Variants in SPHK2 observed in about 807,000 individuals in gnomAD.
The protein encoded by SPHK2 is sphingosine kinase 2.
In SPHK2, 18 loss-of-function variants were observed where a neutral mutation model predicts 32.3. The ratio of observed to expected loss-of-function variants is 0.56; its 90% CI spans 0.39 to 0.83. The LOEUF (loss-of-function observed/expected upper bound fraction) is 0.83, where lower values mean the gene tolerates loss of function less well. Among genes scored for constraint, SPHK2 ranks in the 40% least tolerant of loss-of-function variants. SPHK2 has a pLI of 0.00. For synonymous variants in SPHK2, 462 were observed against 417.6 expected (o/e 1.11, Z -1.30); for missense variants, 850 against 908.7 (o/e 0.94, Z 0.83).
rs1464485375 is a variant in SPHK2, at chr19:48,628,032, G to A, written c.719G>A (p.Gly240Asp). The A allele has an allele frequency of 1.9e-6, 3 of 1,595,650 alleles. No individual in the cohort carries two copies. The highest frequency in any genetic ancestry group is 2.7e-5 in the African/African-American group (2 of 74,454). Residue 240 changes from glycine to aspartate, a missense_variant, in exon 5 of 7, where the codon GGC (glycine) becomes GAC (aspartate). Around this residue, in one of 2 missense-constraint regions of SPHK2, gnomAD observed 544 missense variants for 640.0 expected, o/e 0.85. Coordinates refer to ENST00000245222, the MANE Select transcript of SPHK2 (RefSeq NM_020126.5). The surrounding 1 kb of genome is among the most constrained non-coding windows in gnomAD (Gnocchi z 5.2). ...VQGLSLSEWDGIVTVSGDGLL... is the reference protein window; with the variant it reads ...VQGLSLSEWDDIVTVSGDGLL... Reference sequence around the variant, plus strand: ...GGGCTGAGCCTGAGTGAGTGGGATGGCATCGTCACGGTCTCGGGAGACGGG... The same window carrying A: ...GGGCTGAGCCTGAGTGAGTGGGATGACATCGTCACGGTCTCGGGAGACGGG...
At chr19:48,625,866 C>T (rs1436561827) in intron 2 of SPHK2, 25 bp from the exon 3 acceptor site, 4 of 1,606,700 alleles carry the variant, frequency 2.5e-6, no homozygotes, top group Non-Finnish European at 3.4e-6. Flanking sequence ...TGAATTCTCA[C>T]CCCTTCTCTC....
Position 48,630,088 on chromosome 19 carries a change from T to C in SPHK2, c.*315T>C. 7.8e-7 allele frequency: 1 copy of C among 1,278,118 alleles called. No individual in the cohort carries two copies. The highest frequency in any genetic ancestry group is 9.9e-7 in the Non-Finnish European group (1 of 1,012,188). 79.2% of individuals were successfully genotyped at this position (1,278,118 alleles called of 1,614,324 possible). A position where few individuals can be genotyped will look rare whatever the true frequency, so the allele number is the denominator to read the frequency against. ...CCTGCTCCTACCCGGCCAGGATGGC[T>C]GAGGGCGGAGTCTATTTTACGCGTC... On this transcript the variant is annotated 3_prime_UTR_variant, in exon 7 of 7. Transcript: ENST00000245222. This position sits in a 1 kb window ranked among gnomAD's most constrained non-coding sequence, Gnocchi z 4.9.
intron 3 of SPHK2, chr19:48,626,815 C>CAAAAAA (rs61644225): frequency 4.3e-5 from 1 of 23,250 alleles, no homozygotes; most frequent in African/African-American, 2.8e-4. Context: ...ACTCTGTCTC[C>CAAAAAA]AAAAAAAAAA....
Position 48,629,637 on chromosome 19 carries a change from T to A in SPHK2, c.1829T>A (p.Leu610Gln). ...LGYAAARAFR[L>Q]EPLTPRGVLT... ...TACGCCGCGGCCCGTGCCTTCCGCC[T>A]AGAGCCGCTCACACCACGCGGCGTG... The change falls in exon 7 of 7, where the codon CTA becomes CAA. Residue 610 changes from leucine to glutamine, a missense_variant. Leu to Gln is a moderately radical substitution (Grantham distance 113). This residue lies in a region of SPHK2 where 306 missense variants were observed against 268.6 expected (regional missense o/e 1.14). Coordinates refer to ENST00000245222, the MANE Select transcript of SPHK2 (RefSeq NM_020126.5). 6.2e-7 allele frequency: 1 copy of A among 1,601,990 alleles called. No homozygotes were observed. The highest frequency in any genetic ancestry group is 8.5e-7 in the Non-Finnish European group (1 of 1,175,154).
At chr19:48,627,572 G>A (rs553885601) in intron 3 of SPHK2, 120 bp from the exon 4 acceptor site, 2 of 1,238,986 alleles carry the variant, frequency 1.6e-6, no homozygotes. Flanking sequence ...GGCCACATGA[G>A]AGCCAGCAGG....
chr19:48,620,218 A>G (rs1341258816), intron 1 of SPHK2, among the ~76,000 whole-genome samples, 184 bp from the exon 2 acceptor site: 1 of 152,226 alleles, frequency 6.6e-6, no homozygotes, highest in African/African-American at 2.4e-5. Flanking sequence ...CTTCACTCCT[A>G]TTATAGCATA....
At chr19:48,625,820 C>T in intron 2 of SPHK2, 71 bp from the exon 3 acceptor site, 8 of 1,557,060 alleles carry the variant, frequency 5.1e-6, no homozygotes, top group Non-Finnish European at 6.9e-6. Context: ...CTCCTGTCCA[C>T]AGCCCCTGCC....
At chr19:48,621,879 C>A (rs1974418652) in intron 2 of SPHK2, among the ~76,000 whole-genome samples, 1 of 152,150 alleles carries the variant, frequency 6.6e-6, no homozygotes, top group African/African-American at 2.4e-5. Flanking sequence ...GTTAGAGAAA[C>A]AGGGTCTTCA....
Position 48,628,705 on chromosome 19 carries a change from C to T in SPHK2, c.897C>T (p.Asp299=), listed in dbSNP as rs1436535334. 1.2e-6 allele frequency: 2 copies of T among 1,612,426 alleles called. No homozygotes were observed. Among genetic ancestry groups the T allele is most frequent in the Admixed American group, 1.7e-5 (1 of 60,032 alleles). ...GATTTGAGCCAGCCCTGGGCCTCGA[C>T]CTGTTGCTCAACTGCTCACTGTTGC... The part of the protein sequence containing the change: ...HGGFEPALGL[D]LLLNCSLLLC... Residue 299 remains aspartate (D), a synonymous_variant, in exon 7 of 7, where the codon GAC becomes GAT. Transcript: ENST00000245222. The surrounding 1 kb of genome is among the most constrained non-coding windows in gnomAD (Gnocchi z 5.2).
Position 48,629,606 on chromosome 19 carries a change from C to T in SPHK2, c.1798C>T (p.Leu600=). The stretch of plus-strand genomic sequence containing the variant: ...CCACTTCAGCCTGGGCTGTCCGCAG[C>T]TGGGCTACGCCGCGGCCCGTGCCTT... ...GSHFSLGCPQ[L]GYAAARAFRL... is the part of the protein sequence containing the mutation. Residue 600 remains leucine (L), a synonymous_variant, in exon 7 of 7, where the codon CTG becomes TTG. Transcript: ENST00000245222. The T allele has an allele frequency of 1.3e-6, 2 of 1,599,060 alleles. No homozygotes were observed. The highest frequency in any genetic ancestry group is 2.3e-5 in the East Asian group (1 of 44,110).
In SPHK2 at chr19:48,628,939, C is replaced by T. The variant is rs775437040; in HGVS notation, c.1131C>T (p.Ser377=). 21 of 1,613,298 alleles carry T rather than the reference C, an allele frequency of 1.3e-5. No homozygotes were observed. The highest frequency in any genetic ancestry group is 1.8e-5 in the Non-Finnish European group (21 of 1,179,998). The stretch of plus-strand genomic sequence containing the variant: ...TGCACACCTACCGCGGACGCCTCTC[C>T]TACCTCCCCGCCACTGTGGAACCTG... The part of the protein sequence containing the change: ...ATLHTYRGRL[S]YLPATVEPAS... The change falls in exon 7 of 7, where the codon TCC becomes TCT. Residue 377 remains serine, a synonymous_variant. Transcript: ENST00000245222. The surrounding 1 kb of genome is among the most constrained non-coding windows in gnomAD (Gnocchi z 5.2).
intron 1 of SPHK2, 92 bp from the exon 2 acceptor site, chr19:48,620,310 C>A: frequency 1.9e-6 from 1 of 529,516 alleles, no homozygotes; most frequent in East Asian, 3.0e-5. Flanking sequence ...GCCAGGGAGG[C>A]CCCTGCCTCT....
chr19:48,619,555 G>C lies in SPHK2; in HGVS notation c.-114+12G>C. 4.6e-6 allele frequency: 1 copy of C among 219,694 alleles called. No homozygotes were observed. The highest frequency in any genetic ancestry group is 2.3e-5 in the African/African-American group (1 of 43,626). The allele number at this position is 219,694 out of a possible 1,614,324, so 13.6% of individuals were successfully genotyped here. On this transcript the variant is annotated intron_variant, in intron 1 of 6. Coordinates refer to ENST00000245222, the MANE Select transcript of SPHK2 (RefSeq NM_020126.5). ...GCCCAGTGTTGGAGGTGAGGAGGCG[G>C]GGCTGGCAGGGCTAGTCGGGGCATC...
intron 2 of SPHK2, among the ~76,000 whole-genome samples, chr19:48,622,276 A>T (rs10422714): frequency 0.05 from 7,194 of 143,244 alleles, 584 homozygotes; most frequent in African/African-American, 0.17. Context: ...AAAAAAATAA[A>T]AAAAAATAAA....
chr19:48,624,996 G>A, intron 2 of SPHK2: 1 of 987,894 alleles, frequency 1.0e-6, no homozygotes, highest in South Asian at 4.6e-5. Context: ...TCCGGGCAGA[G>A]GGCAGGGAGA....
In SPHK2 at chr19:48,630,183, G is replaced by A. The variant is rs771846174; in HGVS notation, c.*410G>A. On this transcript the variant is annotated 3_prime_UTR_variant, in exon 7 of 7. Coordinates refer to ENST00000245222, the MANE Select transcript of SPHK2 (RefSeq NM_020126.5). This position sits in a 1 kb window ranked among gnomAD's most constrained non-coding sequence, Gnocchi z 4.9. ...GTGAGTCGGCCGGTCAGGGCCCGCA[G>A]CCTCGCCCCATCCACTCCGGTGCCT... 8.0e-7 allele frequency: 1 copy of A among 1,254,134 alleles called. No homozygotes were observed. The highest frequency in any genetic ancestry group is 1.0e-6 in the Non-Finnish European group (1 of 998,172). 77.7% of individuals were successfully genotyped at this position (1,254,134 alleles called of 1,614,324 possible).
At chr19:48,625,453 A>G (rs1046422473) in intron 2 of SPHK2, 70 of 1,194,528 alleles carry the variant, frequency 5.9e-5, no homozygotes, top group Admixed American at 7.4e-5. Flanking sequence ...CTGTTTCTGC[A>G]TATCCAATCC....
chr19:48,624,457 G>C lies in SPHK2; in HGVS notation c.40-1434G>C, dbSNP rs563149902. 3 of 152,552 alleles carry C rather than the reference G, an allele frequency of 2.0e-5. No homozygotes were observed. The South Asian group carries it at 6.2e-4, about 31-fold the overall frequency. 9.4% of individuals were successfully genotyped at this position (152,552 alleles called of 1,614,324 possible). ...TGAGGAGGGTGCGGGGGTCGGGGCA[G>C]GGACCGGAGTCTAGGGGACTGAGGG... On this transcript the variant is annotated intron_variant, in intron 2 of 6. Transcript: ENST00000245222.
At position 48,629,481 on chromosome 19, in the gene SPHK2, A is replaced by T. The variant is rs926071516; in HGVS notation, c.1673A>T (p.His558Leu). 1 of 1,608,116 alleles carries T rather than the reference A, an allele frequency of 6.2e-7. No individual in the cohort carries two copies. The highest frequency in any genetic ancestry group is 8.5e-7 in the Non-Finnish European group (1 of 1,178,656). ...HLGADLVAAPHARFDDGLVHL... is the reference protein window; with the variant it reads ...HLGADLVAAPLARFDDGLVHL... ...GGCGCTGACCTGGTGGCAGCTCCGC[A>T]TGCGCGCTTCGACGACGGCCTGGTG... The change falls in exon 7 of 7, where the codon CAT becomes CTT. Residue 558 changes from histidine (H) to leucine (L), a missense_variant. Around this residue, in one of 2 missense-constraint regions of SPHK2, gnomAD observed 306 missense variants for 268.6 expected, o/e 1.14. Coordinates refer to ENST00000245222, the MANE Select transcript of SPHK2 (RefSeq NM_020126.5).
Sources: allele counts gnomAD v4.1 joint callset (sites outside exome capture counted in the v4.1 genomes callset), GRCh38; gene constraint gnomAD v4.1.1; regional missense constraint gnomAD v4.1.1; non-coding constraint Gnocchi (gnomAD v3.1); transcripts MANE v1.5; gene names NCBI Gene and HGNC (gene_info 2026-07-23, HGNC 2026-07-21).